Variants in ZNF804A observed in about 807,000 individuals in gnomAD.
ZNF804A encodes the protein zinc finger protein 804A.
ZNF804A carries 2 observed loss-of-function variants against 16.5 expected under a neutral mutation model. The ratio of observed to expected loss-of-function variants is 0.12; its 90% confidence interval spans 0.05 to 0.38. ZNF804A has a LOEUF of 0.38. ZNF804A is among the 10% of genes least tolerant of loss of function. The pLI, the probability that ZNF804A is intolerant of heterozygous loss-of-function variation, is 0.99. For missense variants in ZNF804A, 1,473 were observed against 1,390.7 expected (o/e 1.06, Z -0.94); for synonymous variants, 534 against 489.6 (o/e 1.09, Z -1.20).
chr2:184,656,819 T>C (rs951493360), intron 1 of ZNF804A, among the ~76,000 whole-genome samples: 24 of 152,140 alleles, frequency 1.6e-4, no homozygotes, highest in Admixed American at 1.6e-3. Flanking sequence ...GTTTATATTG[T>C]GTACAGTTGT....
Position 184,937,786 on chromosome 2 carries a change from G to C in ZNF804A, c.2390G>C (p.Arg797Thr). The C allele has an allele frequency of 6.2e-7, 1 of 1,613,866 alleles. No individual in the cohort carries two copies. Among genetic ancestry groups the C allele is most frequent in the Non-Finnish European group, 8.5e-7 (1 of 1,179,938 alleles). ...AATCATTTACCAGAAGAATTTTTGA[G>C]GCCACCAAGTACTTCAGTTGCTCCC... The part of the protein sequence containing the change: ...RQNHLPEEFL[R>T]PPSTSVAPCK... Residue 797 changes from arginine (R) to threonine (T), a missense_variant, in exon 4 of 4, where the codon AGG becomes ACG. By Grantham distance (71) the Arg-to-Thr change is moderately conservative. Coordinates refer to ENST00000302277, the MANE Select transcript of ZNF804A (RefSeq NM_194250.2).
chr2:184,726,197 T>C (rs993996767), intron 1 of ZNF804A, among the ~76,000 whole-genome samples: 4 of 151,682 alleles, frequency 2.6e-5, no homozygotes, highest in African/African-American at 9.7e-5. Context: ...TTCTAGAGTT[T>C]TAAGAATCTT....
chr2:184,722,974 T>A (rs1693341877), intron 1 of ZNF804A, among the ~76,000 whole-genome samples: 2 of 151,920 alleles, frequency 1.3e-5, no homozygotes, highest in Non-Finnish European at 2.9e-5. Flanking sequence ...ATTAAGGTAA[T>A]CATCCAATTT....
intron 1 of ZNF804A, among the ~76,000 whole-genome samples, chr2:184,612,066 T>C (rs1179519374): frequency 6.6e-6 from 1 of 152,194 alleles, no homozygotes; most frequent in Non-Finnish European, 1.5e-5. Context: ...TTTGCTTTAA[T>C]GTCATAGCTA....
At chr2:184,707,399 A>T (rs929328807) in intron 1 of ZNF804A, among the ~76,000 whole-genome samples, 15 of 152,130 alleles carry the variant, frequency 9.9e-5, no homozygotes, top group Admixed American at 9.2e-4. Context: ...TGTCACCCAG[A>T]GAGTGAGCAT....
chr2:184,624,100 G>C (rs965794067), intron 1 of ZNF804A, among the ~76,000 whole-genome samples: 1 of 152,026 alleles, frequency 6.6e-6, no homozygotes, highest in Admixed American at 6.6e-5. Flanking sequence ...AAATAGTGCT[G>C]GCCCATTAAT....
At chr2:184,692,571 G>T (rs183260490) in intron 1 of ZNF804A, among the ~76,000 whole-genome samples, 1 of 152,200 alleles carries the variant, frequency 6.6e-6, no homozygotes, top group South Asian at 2.1e-4. Flanking sequence ...CAGGATTTAT[G>T]TGTAATATCC....
At chr2:184,885,797 G>C (rs1241588947) in intron 2 of ZNF804A, among the ~76,000 whole-genome samples, 2 of 152,064 alleles carry the variant, frequency 1.3e-5, no homozygotes, top group African/African-American at 4.8e-5. Context: ...GAACAGCACA[G>C]GAAAGACCGG....
chr2:184,828,726 CT>C (rs1160604957), intron 1 of ZNF804A, among the ~76,000 whole-genome samples: 1 of 151,814 alleles, frequency 6.6e-6, no homozygotes, highest in Non-Finnish European at 1.5e-5. Context: ...CATCTCCCCT[CT>C]ACTTTTGAGC....
At chr2:184,718,620 C>T (rs907661069) in intron 1 of ZNF804A, among the ~76,000 whole-genome samples, 2 of 152,134 alleles carry the variant, frequency 1.3e-5, no homozygotes, top group East Asian at 1.9e-4. Flanking sequence ...GCTACAGGCT[C>T]TATGCAAGTC....
chr2:184,885,961 C>A (rs1046720688), intron 2 of ZNF804A, among the ~76,000 whole-genome samples: 3 of 152,044 alleles, frequency 2.0e-5, no homozygotes, highest in African/African-American at 7.2e-5. Flanking sequence ...ATTTAAAAAC[C>A]AATCATGCCT....
chr2:184,937,144 A>C lies in ZNF804A; in HGVS notation c.1748A>C (p.Lys583Thr). 3 of 1,604,708 alleles carry C rather than the reference A, an allele frequency of 1.9e-6. No individual in the cohort carries two copies. Among genetic ancestry groups the C allele is most frequent in the Non-Finnish European group, 2.5e-6 (3 of 1,177,808 alleles). ...LDEKYNKIRL[K>T]ETHEYWFHKS... ...GAAAAATACAACAAAATAAGGTTGA[A>C]AGAGACCCATGAATACTGGTTCCAT... The change falls in exon 4 of 4, where the codon AAA (lysine) becomes ACA (threonine). Residue 583 changes from lysine (K) to threonine (T), a missense_variant. Lys to Thr is a moderately conservative substitution (Grantham distance 78). Transcript: ENST00000302277.
At chr2:184,639,961 C>T (rs2105692783) in intron 1 of ZNF804A, among the ~76,000 whole-genome samples, 1 of 152,164 alleles carries the variant, frequency 6.6e-6, no homozygotes, top group East Asian at 1.9e-4. Context: ...GAGATCGCAC[C>T]ACTGCACTCC....
At chr2:184,683,050 A>G (rs190102989) in intron 1 of ZNF804A, among the ~76,000 whole-genome samples, 2 of 152,282 alleles carry the variant, frequency 1.3e-5, no homozygotes, top group African/African-American at 4.8e-5. Context: ...AATAAAATAA[A>G]ATAAAAACAT....
chr2:184,708,171 C>A (rs1275486254), intron 1 of ZNF804A, among the ~76,000 whole-genome samples: 1 of 151,722 alleles, frequency 6.6e-6, no homozygotes, highest in Non-Finnish European at 1.5e-5. Context: ...TCTTATAGGT[C>A]CTTTGTCAGA....
At chr2:184,918,626 C>A (rs1170594159) in intron 2 of ZNF804A, among the ~76,000 whole-genome samples, 5 of 152,216 alleles carry the variant, frequency 3.3e-5, no homozygotes, top group Non-Finnish European at 7.4e-5. Context: ...GGTAATCAAA[C>A]AGTATTTATT....
chr2:184,658,746 A>T (rs1181633397), intron 1 of ZNF804A, among the ~76,000 whole-genome samples: 1 of 152,196 alleles, frequency 6.6e-6, no homozygotes, highest in Non-Finnish European at 1.5e-5. Context: ...GTATCAGAAC[A>T]TAGGTTTCAG....
intron 1 of ZNF804A, among the ~76,000 whole-genome samples, chr2:184,651,275 C>A (rs552347379): frequency 1.3e-5 from 2 of 152,140 alleles, no homozygotes; most frequent in South Asian, 4.1e-4. Context: ...TACCTTTCAC[C>A]GTACACAAAA....
At chr2:184,906,825 G>A (rs972668109) in intron 2 of ZNF804A, among the ~76,000 whole-genome samples, 1 of 152,088 alleles carries the variant, frequency 6.6e-6, no homozygotes. Flanking sequence ...TAAAAATGTG[G>A]AGTTTTCTGT....
Sources: allele counts gnomAD v4.1 joint callset (sites outside exome capture counted in the v4.1 genomes callset), GRCh38; gene constraint gnomAD v4.1.1; transcripts MANE v1.5; gene names NCBI Gene and HGNC (gene_info 2026-07-23, HGNC 2026-07-21).